Variants in ASIC2 observed in about 807,000 individuals in gnomAD.
ASIC2 encodes the protein acid-sensing ion channel 2.
ASIC2 carries 25 observed loss-of-function variants against 57.3 expected under a neutral mutation model. The ratio of observed to expected loss-of-function variants is 0.44; its 90% CI spans 0.32 to 0.61. The LOEUF (loss-of-function observed/expected upper bound fraction) is 0.61, where lower values mean the gene tolerates loss of function less well. Among genes scored for constraint, ASIC2 ranks in the 20% least tolerant of loss-of-function variants. The pLI is 0.06. For missense variants in ASIC2, 641 were observed against 738.1 expected, an observed-to-expected ratio of 0.87 and a Z score of 1.52; for synonymous variants, 319 against 307.5, an observed-to-expected ratio of 1.04 and a Z score of -0.39.
intron 1 of ASIC2, among the ~76,000 whole-genome samples, chr17:33,181,718 C>A (rs573273218): frequency 6.6e-6 from 1 of 152,316 alleles, no homozygotes; most frequent in African/African-American, 2.4e-5. Context: ...TCAATTCCAG[C>A]GGTATGTTCC....
chr17:33,503,095 C>A (rs1914148246), intron 1 of ASIC2, among the ~76,000 whole-genome samples: 1 of 152,090 alleles, frequency 6.6e-6, no homozygotes, highest in African/African-American at 2.4e-5. Context: ...AGCAACCATA[C>A]AAGGTAATTG....
intron 1 of ASIC2, among the ~76,000 whole-genome samples, chr17:33,529,388 G>C (rs958870933): frequency 6.6e-6 from 1 of 152,124 alleles, no homozygotes; most frequent in African/African-American, 2.4e-5. Flanking sequence ...TACAGAGCGC[G>C]TTTCTTCATG....
At chr17:34,000,232 A>G (rs918626633) in intron 1 of ASIC2, among the ~76,000 whole-genome samples, 6 of 146,716 alleles carry the variant, frequency 4.1e-5, no homozygotes, top group African/African-American at 1.5e-4. Flanking sequence ...TGATTATAAC[A>G]TATGTCAGTG....
chr17:33,218,103 C>T (rs944828562), intron 1 of ASIC2, among the ~76,000 whole-genome samples: 1 of 152,246 alleles, frequency 6.6e-6, no homozygotes, highest in African/African-American at 2.4e-5. Context: ...GCAATTCATG[C>T]TTTTAAATGT....
At chr17:33,162,877 T>C (rs1385196600) in intron 1 of ASIC2, among the ~76,000 whole-genome samples, 1 of 152,234 alleles carries the variant, frequency 6.6e-6, no homozygotes, top group African/African-American at 2.4e-5. Context: ...AGACACAACC[T>C]GAAGCACACT....
chr17:33,842,145 C>A (rs1313518119), intron 1 of ASIC2, among the ~76,000 whole-genome samples: 1 of 152,184 alleles, frequency 6.6e-6, no homozygotes, highest in Non-Finnish European at 1.5e-5. Flanking sequence ...AAACTGCAAC[C>A]ACACAAACAA....
chr17:33,476,342 G>A (rs1023419421), intron 1 of ASIC2, among the ~76,000 whole-genome samples: 4 of 151,946 alleles, frequency 2.6e-5, no homozygotes, highest in Non-Finnish European at 5.9e-5. Context: ...AGTAATTATG[G>A]TTACTAAATC....
At chr17:33,791,552 A>G (rs1911772493) in intron 1 of ASIC2, among the ~76,000 whole-genome samples, 2 of 152,134 alleles carry the variant, frequency 1.3e-5, no homozygotes, top group African/African-American at 4.8e-5. Flanking sequence ...TGACACATTA[A>G]TATTTGACAT....
chr17:33,478,245 C>T (rs541652698), intron 1 of ASIC2, among the ~76,000 whole-genome samples: 4 of 152,250 alleles, frequency 2.6e-5, no homozygotes, highest in Non-Finnish European at 4.4e-5. Context: ...ACTGTGAGAG[C>T]TCTTGCTCCC....
At chr17:33,042,938 T>G (rs975191247) in intron 3 of ASIC2, among the ~76,000 whole-genome samples, 2 of 152,132 alleles carry the variant, frequency 1.3e-5, no homozygotes, top group African/African-American at 2.4e-5. Flanking sequence ...GTTTTGTTTT[T>G]TTTTTTTGAG....
chr17:34,120,153 G>A (rs1024877579), intron 1 of ASIC2: 8 of 152,218 alleles, frequency 5.3e-5, no homozygotes, highest in Non-Finnish European at 8.8e-5. Context: ...CACGTTGAAG[G>A]TAGTATGGCC....
rs116824895 is a variant in ASIC2 at position 33,815,034 on chromosome 17, G to A, written c.555+340944C>T. 3.5e-3 allele frequency among the ~76,000 whole-genome samples: 535 copies of A among 152,298 alleles called. 6 individuals carry two copies. Among genetic ancestry groups the A allele is most frequent in the African/African-American group, 0.012 (508 of 41,560 alleles). Reference sequence around the variant, plus strand: ...TGTGTGGGTATGGGGACCAAGCATGGGCATTGAGGTATGACAGTGTAGGTG... The same window carrying A: ...TGTGTGGGTATGGGGACCAAGCATGAGCATTGAGGTATGACAGTGTAGGTG... On this transcript the variant is annotated intron_variant, in intron 1 of 9. Coordinates refer to the ASIC2 transcript ENST00000359872.
At chr17:33,583,322 G>C (rs1172710305) in intron 1 of ASIC2, among the ~76,000 whole-genome samples, 1 of 55,902 alleles carries the variant, frequency 1.8e-5, no homozygotes, top group Non-Finnish European at 3.2e-5. Context: ...GAGATTGTCA[G>C]TCACTTGCCC....
intron 1 of ASIC2, among the ~76,000 whole-genome samples, chr17:33,385,303 C>T (rs1316822511): frequency 1.3e-5 from 2 of 152,210 alleles, no homozygotes; most frequent in African/African-American, 4.8e-5. Flanking sequence ...GCCCCTGAGC[C>T]CCTCCCTTTG....
At chr17:33,994,304 C>A (rs1404272882) in intron 1 of ASIC2, among the ~76,000 whole-genome samples, 2 of 152,152 alleles carry the variant, frequency 1.3e-5, no homozygotes, top group African/African-American at 4.8e-5. Context: ...GGATTAGGCA[C>A]AGGATGCAAA....
chr17:33,719,937 G>A lies in ASIC2; in HGVS notation c.555+436041C>T, dbSNP rs528904411. The stretch of plus-strand genomic sequence containing the variant: ...ACTCTGTCACCCAGGCTGGAGTGTA[G>A]TGGTGCAATCTCGGCTCACTGAAGC... On this transcript the variant is annotated intron_variant, in intron 1 of 9. Coordinates refer to the ASIC2 transcript ENST00000359872. Among the ~76,000 whole-genome samples the A allele has an allele frequency of 9.0e-4, 137 of 152,348 alleles. 1 individual carries two copies. Among genetic ancestry groups the A allele is most frequent in the African/African-American group, 3.2e-3 (132 of 41,574 alleles).
At chr17:33,115,903 A>G (rs2092279093) in intron 1 of ASIC2, among the ~76,000 whole-genome samples, 1 of 152,048 alleles carries the variant, frequency 6.6e-6, no homozygotes, top group African/African-American at 2.4e-5. Flanking sequence ...TTCCTTGTGC[A>G]CCTCCAGGAA....
chr17:33,905,059 A>G (rs1382996574), intron 1 of ASIC2, among the ~76,000 whole-genome samples: 1 of 151,274 alleles, frequency 6.6e-6, no homozygotes, highest in Non-Finnish European at 1.5e-5. Context: ...TTGGTCACAA[A>G]TGTTTCTTAT....
At chr17:33,679,899 C>T (rs1344345835) in intron 1 of ASIC2, among the ~76,000 whole-genome samples, 1 of 152,174 alleles carries the variant, frequency 6.6e-6, no homozygotes, top group Non-Finnish European at 1.5e-5. Context: ...GAGTGGGGCT[C>T]ATGGTCTCTA....
Sources: gnomAD v4.1 joint callset for allele counts (sites outside exome capture counted in the v4.1 genomes callset) on GRCh38, gnomAD v4.1.1 for gene constraint, MANE v1.5 for transcripts, NCBI Gene and HGNC (gene_info 2026-07-23, HGNC 2026-07-21) for gene names.